DMD: variants seen among roughly 807,000 people sequenced by gnomAD.
DMD encodes mutant dystrophin.
Under a neutral mutation model 330.1 loss-of-function variants are expected in DMD, and 63 were observed. That is an observed-to-expected ratio of 0.19 (90% CI 0.16 to 0.24). DMD has a LOEUF of 0.24. Among genes scored for constraint, DMD ranks in the 10% least tolerant of loss-of-function variants. The pLI, the probability that DMD is intolerant of heterozygous loss-of-function variation, is 1.00. For synonymous variants in DMD, 1,223 were observed against 959.8 expected (o/e 1.27, Z -5.07); for missense variants, 3,344 against 2,684.1 (o/e 1.25, Z -5.43).
At chrX:31,863,860 TCA>T (rs1398002896) in intron 48 of DMD, among the ~76,000 whole-genome samples, 1 of 111,131 alleles carries the variant, frequency 9.0e-6, no homozygotes, top group East Asian at 2.8e-4. Flanking sequence ...TAAATATGTA[TCA>T]CATATTTATC....
intron 43 of DMD, among the ~76,000 whole-genome samples, chrX:32,254,455 C>A (rs1259079296): frequency 8.9e-6 from 1 of 112,066 alleles, no homozygotes; most frequent in Non-Finnish European, 1.9e-5. Context: ...TATTCACTTG[C>A]TAGTTATGCT....
At chrX:32,891,187 CAG>C (rs1487851106) in intron 2 of DMD, among the ~76,000 whole-genome samples, 3 of 111,930 alleles carry the variant, frequency 2.7e-5, no homozygotes, top group East Asian at 5.6e-4. Context: ...GGCAAAAATT[CAG>C]AGTTACTTCT....
At chrX:32,240,169 G>A (rs1226535771) in intron 43 of DMD, among the ~76,000 whole-genome samples, 5 of 111,667 alleles carry the variant, frequency 4.5e-5, no homozygotes. Context: ...TCAATATATG[G>A]TCATTAGGCA....
intron 47 of DMD, among the ~76,000 whole-genome samples, chrX:31,899,653 A>G (rs2094395971): frequency 9.0e-6 from 1 of 111,130 alleles, no homozygotes; most frequent in African/African-American, 3.3e-5. Context: ...ATAGGACGAT[A>G]TACATTCCAT....
intron 55 of DMD, among the ~76,000 whole-genome samples, chrX:31,559,166 A>G (rs1458696221): frequency 8.9e-6 from 1 of 112,229 alleles, no homozygotes; most frequent in Non-Finnish European, 1.9e-5. Flanking sequence ...TTCCTCTGAT[A>G]TTGTGAATTT....
chrX:32,308,968 G>A (rs888440128), intron 42 of DMD, among the ~76,000 whole-genome samples: 2 of 111,219 alleles, frequency 1.8e-5, no homozygotes, highest in African/African-American at 6.5e-5. Flanking sequence ...TTTATTAACT[G>A]ATTAGGTTTC....
At chrX:33,055,068 T>C (rs1325209928) in intron 1 of DMD, among the ~76,000 whole-genome samples, 1 of 111,737 alleles carries the variant, frequency 8.9e-6, no homozygotes, top group Admixed American at 9.6e-5. Flanking sequence ...AAGAAAAATA[T>C]GTTGATTGAG....
intron 44 of DMD, among the ~76,000 whole-genome samples, chrX:32,193,944 ATGC>A (rs2096987152): frequency 8.9e-6 from 1 of 111,809 alleles, no homozygotes; most frequent in Non-Finnish European, 1.9e-5. Flanking sequence ...TCTAAAACAC[ATGC>A]TTGCTTCAAC....
chrX:31,589,557 C>T (rs769979598), intron 55 of DMD, among the ~76,000 whole-genome samples: 39 of 111,528 alleles, frequency 3.5e-4, no homozygotes, highest in Middle Eastern at 4.6e-3. Flanking sequence ...AGTGTAAACG[C>T]TATAATCACT....
chrX:32,100,265 A>T (rs760101519), intron 44 of DMD, among the ~76,000 whole-genome samples: 37 of 110,078 alleles, frequency 3.4e-4, no homozygotes, highest in African/African-American at 1.2e-3. Context: ...TATTTACAAG[A>T]TCACCTAACT....
intron 61 of DMD, among the ~76,000 whole-genome samples, chrX:31,337,738 T>C (rs1057094270): frequency 8.9e-6 from 1 of 111,872 alleles, no homozygotes; most frequent in Non-Finnish European, 1.9e-5. Flanking sequence ...GATTCAGAAC[T>C]CTGGTGCTGG....
At chrX:32,809,399 G>A (rs2077180218) in intron 7 of DMD, 94 bp downstream of exon 7, 1 of 729,150 alleles carries the variant, frequency 1.4e-6, no homozygotes, top group African/African-American at 2.1e-5. Context: ...CTTAAGATAT[G>A]TAGTTTTGTA....
rs183906325 is a variant in DMD, at chrX:32,608,153, T to C, written c.1482+6150A>G. On this transcript the variant is annotated intron_variant, in intron 12 of 78. Coordinates refer to ENST00000357033, the MANE Select transcript of DMD (RefSeq NM_004006.3). ...ATAAAGTAAATAATAATCTGATAGC[T>C]AGAAATACTTGATTTGTAAAATAAG... Among the ~76,000 whole-genome samples, 373 of 110,235 alleles carry C rather than the reference T, an allele frequency of 3.4e-3. 1 individual carries two copies. The highest frequency in any genetic ancestry group is 0.011 in the African/African-American group (347 of 30,617).
chrX:31,607,196 G>T (rs2077654824), intron 55 of DMD, among the ~76,000 whole-genome samples: 1 of 111,661 alleles, frequency 9.0e-6, no homozygotes, highest in African/African-American at 3.3e-5. Flanking sequence ...GAACAATAAT[G>T]GTGGATATGC....
At chrX:32,137,810 C>T (rs2096734236) in intron 44 of DMD, among the ~76,000 whole-genome samples, 1 of 110,241 alleles carries the variant, frequency 9.1e-6, no homozygotes, top group Admixed American at 9.7e-5. Context: ...ATTCTCTAGG[C>T]CCTGACTTAC....
intron 1 of DMD, among the ~76,000 whole-genome samples, chrX:33,115,688 T>G (rs776885019): frequency 6.5e-5 from 7 of 107,849 alleles, no homozygotes; most frequent in Non-Finnish European, 1.3e-4. Flanking sequence ...ATTTTTTGTA[T>G]TTTTAGTAGA....
intron 1 of DMD, among the ~76,000 whole-genome samples, chrX:33,231,292 C>T (rs752560598): frequency 9.0e-5 from 10 of 111,327 alleles, no homozygotes; most frequent in African/African-American, 2.9e-4. Context: ...TTTCTTCAAC[C>T]CTTACTTCTT....
chrX:32,911,693 T>A (rs2087257166), intron 2 of DMD, among the ~76,000 whole-genome samples: 1 of 111,327 alleles, frequency 9.0e-6, no homozygotes, highest in Non-Finnish European at 1.9e-5. Context: ...AGCCAAAAGT[T>A]AAGTTTGACA....
chrX:32,939,583 G>A (rs1418949116), intron 2 of DMD, among the ~76,000 whole-genome samples: 1 of 111,550 alleles, frequency 9.0e-6, no homozygotes, highest in Non-Finnish European at 1.9e-5. Context: ...CACTATTCTG[G>A]TAAGTAAAGA....
Sources: gnomAD v4.1 joint callset for allele counts (sites outside exome capture counted in the v4.1 genomes callset) on GRCh38, gnomAD v4.1.1 for gene constraint, MANE v1.5 for transcripts, NCBI Gene and HGNC (gene_info 2026-07-23, HGNC 2026-07-21) for gene names.